PHLDB2: variants seen among roughly 807,000 people sequenced by gnomAD.
The protein encoded by PHLDB2 is pleckstrin homology-like domain family B member 2.
In PHLDB2, 71 loss-of-function variants were observed where a neutral mutation model predicts 123.6. That is an observed-to-expected ratio of 0.57 (90% CI 0.47 to 0.70). PHLDB2 has a LOEUF of 0.70. Among genes scored for constraint, PHLDB2 ranks in the 30% least tolerant of loss-of-function variants. PHLDB2 has a pLI of 0.00. For synonymous variants in PHLDB2, 547 were observed against 541.6 expected (o/e 1.01, Z -0.14); for missense variants, 1,446 against 1,519.5 (o/e 0.95, Z 0.80).
chr3:111,832,278 C>A (rs1184642726), intron 1 of PHLDB2, among the ~76,000 whole-genome samples: 3 of 151,940 alleles, frequency 2.0e-5, no homozygotes, highest in African/African-American at 7.3e-5. Flanking sequence ...GTTTCTTTCC[C>A]CTGAATCCAA....
In PHLDB2 at chr3:111,894,946, GTGTA is replaced by G. The variant is rs937923003; in HGVS notation, c.1335+9546_1335+9549del. On this transcript the variant is annotated intron_variant, in intron 2 of 17. Transcript: ENST00000431670. ...TGCTGGTTTGCGTGTGTGTGTGTGT[GTGTA>G]TGTATGTATGTGTGGGTCTGTATGT... is the stretch of plus-strand genomic sequence containing the variant. Among the ~76,000 whole-genome samples, 3 of 151,546 alleles carry G rather than the reference GTGTA, an allele frequency of 2.0e-5. No homozygotes were observed. The South Asian group carries it at 6.3e-4, about 32-fold the overall frequency.
At chr3:111,858,485 A>T (rs992257635), upstream of PHLDB2, among the ~76,000 whole-genome samples, 6 of 152,202 alleles carry the variant, frequency 3.9e-5, no homozygotes, top group African/African-American at 1.4e-4. Flanking sequence ...AAAGAAATTT[A>T]AAAAAGACAT....
chr3:111,887,838 T>C (rs1168863542), intron 2 of PHLDB2, among the ~76,000 whole-genome samples: 1 of 152,178 alleles, frequency 6.6e-6, no homozygotes, highest in East Asian at 1.9e-4. Context: ...CATTTTTGTC[T>C]ATGCAATTCT....
chr3:111,904,276 T>TTAAAAAAA, intron 2 of PHLDB2, among the ~76,000 whole-genome samples: 1 of 11,044 alleles, frequency 9.1e-5, no homozygotes, highest in African/African-American at 1.7e-4. Context: ...AGACCCTGTC[T>TTAAAAAAA]CAAAAAAAAA....
intron 1 of PHLDB2, among the ~76,000 whole-genome samples, chr3:111,807,798 G>C (rs2061658488): frequency 6.6e-6 from 1 of 152,090 alleles, no homozygotes; most frequent in African/African-American, 2.4e-5. Flanking sequence ...AGAGAATAAG[G>C]AGAAGGAAGA....
At position 111,859,490 on chromosome 3, in the gene PHLDB2, ACCCGACGGGGG is replaced by A. The variant is rs1301145593; in HGVS notation, c.-92_-82del. The A allele has an allele frequency of 1.0e-6, 1 of 985,360 alleles. No individual in the cohort carries two copies. The highest frequency in any genetic ancestry group is 1.2e-6 in the Non-Finnish European group (1 of 830,028). 61.0% of individuals were successfully genotyped at this position (985,360 alleles called of 1,614,324 possible). ...AGCCCACCATTGCGGCCCGAGGGGG[ACCCGACGGGGG>A]CCCGACGGTGTGGCGTGGCGCAAGG... On this transcript the variant is annotated 5_prime_UTR_variant, in exon 1 of 18. Coordinates refer to ENST00000431670, the MANE Select transcript of PHLDB2 (RefSeq NM_001134438.2).
intron 1 of PHLDB2, among the ~76,000 whole-genome samples, chr3:111,752,008 T>C (rs1053971984): frequency 1.3e-5 from 2 of 152,124 alleles, no homozygotes; most frequent in Admixed American, 6.5e-5. Flanking sequence ...ACAAAATGAT[T>C]TTAAACTGGC....
At chr3:111,852,270 C>CCT (rs139608690) in intron 2 of PHLDB2, among the ~76,000 whole-genome samples, 3 of 149,060 alleles carry the variant, frequency 2.0e-5, no homozygotes, top group Non-Finnish European at 3.0e-5. Context: ...TGGCATTCTC[C>CCT]CTCTCTCTCT....
intron 1 of PHLDB2, among the ~76,000 whole-genome samples, chr3:111,809,413 T>TG (rs1158145484): frequency 2.2e-4 from 34 of 152,246 alleles, no homozygotes; most frequent in African/African-American, 8.2e-4. Context: ...TCCAAGCCTG[T>TG]GGTTCTATGG....
chr3:111,961,367 G>A (rs1335791217), intron 12 of PHLDB2, among the ~76,000 whole-genome samples: 1 of 152,046 alleles, frequency 6.6e-6, no homozygotes, highest in Non-Finnish European at 1.5e-5. Flanking sequence ...TCTTATTTAT[G>A]GTGCTTTTCG....
intron 2 of PHLDB2, among the ~76,000 whole-genome samples, chr3:111,905,826 C>T (rs1277511008): frequency 6.6e-6 from 1 of 152,150 alleles, no homozygotes; most frequent in East Asian, 1.9e-4. Context: ...AGGAATTTTT[C>T]AGCTCCATTA....
intron 1 of PHLDB2, chr3:111,778,124 T>A (rs990109509): frequency 6.6e-6 from 1 of 152,090 alleles, no homozygotes; most frequent in African/African-American, 2.4e-5. Flanking sequence ...ATGGGTTATG[T>A]TTCCCCAAAT....
intron 1 of PHLDB2, among the ~76,000 whole-genome samples, chr3:111,781,191 A>G (rs2060461269): frequency 6.6e-6 from 1 of 152,096 alleles, no homozygotes; most frequent in Admixed American, 6.6e-5. Flanking sequence ...TTAAAATTTT[A>G]AAAACATAAC....
At chr3:111,805,383 A>G (rs1272042647) in intron 1 of PHLDB2, among the ~76,000 whole-genome samples, 1 of 151,724 alleles carries the variant, frequency 6.6e-6, no homozygotes, top group Non-Finnish European at 1.5e-5. Context: ...ACATGGTGAA[A>G]CCCCGTCTTT....
At chr3:111,904,277 C>CCAAAAAAAAAAAAAAAAAA (rs538555039) in intron 2 of PHLDB2, among the ~76,000 whole-genome samples, 1 of 86,722 alleles carries the variant, frequency 1.2e-5, no homozygotes, top group African/African-American at 4.1e-5. Context: ...GACCCTGTCT[C>CCAAAAAAAAAAAAAAAAAA]AAAAAAAAAA....
Position 111,920,331 on chromosome 3 carries a change from C to T in PHLDB2, c.1913C>T (p.Thr638Ile). ...GATGGAGAACAGAAATCTGAAACAACTGAACTTATGAAGGAGAAGGAGATT... is the reference window on the plus strand; with the variant it reads ...GATGGAGAACAGAAATCTGAAACAATTGAACTTATGAAGGAGAAGGAGATT... ...LLDGEQKSETTELMKEKEILD... is the reference protein window; with the variant it reads ...LLDGEQKSETIELMKEKEILD... Residue 638 changes from threonine to isoleucine, a missense_variant, in exon 5 of 18, where the codon ACT (threonine) becomes ATT (isoleucine). This residue lies in a region of PHLDB2 where 832 missense variants were observed against 831.9 expected (regional missense o/e 1.00). Transcript: ENST00000431670. The T allele has an allele frequency of 6.2e-7, 1 of 1,613,898 alleles. No homozygotes were observed. Among genetic ancestry groups the T allele is most frequent in the Admixed American group, 1.7e-5 (1 of 59,980 alleles).
intron 1 of PHLDB2, among the ~76,000 whole-genome samples, chr3:111,861,986 C>T (rs1188557532): frequency 1.3e-5 from 2 of 152,026 alleles, no homozygotes; most frequent in Non-Finnish European, 2.9e-5. Context: ...GGATTACAGG[C>T]GCCTGCCACC....
chr3:111,971,544 T>C (rs181015635), intron 16 of PHLDB2, among the ~76,000 whole-genome samples: 3 of 152,354 alleles, frequency 2.0e-5, no homozygotes, highest in East Asian at 3.9e-4. Context: ...TTAATATGTA[T>C]TTATGATATA....
chr3:111,975,816 G>A lies in PHLDB2; in HGVS notation c.*1253G>A, dbSNP rs1191784476. The A allele has an allele frequency of 1.3e-5, 2 of 152,592 alleles. No homozygotes were observed. The highest frequency in any genetic ancestry group is 2.4e-5 in the African/African-American group (1 of 41,438). 9.5% of individuals were successfully genotyped at this position (152,592 alleles called of 1,614,324 possible). On this transcript the variant is annotated 3_prime_UTR_variant, in exon 18 of 18. Transcript: ENST00000431670. ...AAAACATGGCAAATGAATAGATGTA[G>A]AGAATAACAATATTACTTACAAGAT... is the stretch of plus-strand genomic sequence containing the variant.
Sources: allele counts gnomAD v4.1 joint callset (sites outside exome capture counted in the v4.1 genomes callset), GRCh38; gene constraint gnomAD v4.1.1; regional missense constraint gnomAD v4.1.1; transcripts MANE v1.5; gene names NCBI Gene and HGNC (gene_info 2026-07-23, HGNC 2026-07-21).